Variants in SNX24 observed in about 807,000 individuals in gnomAD.
The protein encoded by SNX24 is sorting nexin-24.
Under a neutral mutation model 28.7 loss-of-function variants are expected in SNX24, and 22 were observed. The observed-to-expected ratio is 0.77, with a 90% CI of 0.55 to 1.10. The LOEUF (loss-of-function observed/expected upper bound fraction) is 1.10. Among genes scored for constraint, SNX24 ranks in the 50% least tolerant of loss-of-function variants. SNX24 has a pLI of 0.00. For missense variants in SNX24, 221 were observed against 201.1 expected, an observed-to-expected ratio of 1.10 and a Z score of -0.60; for synonymous variants, 69 against 71.5, an observed-to-expected ratio of 0.96 and a Z score of 0.18.
intron 3 of SNX24, among the ~76,000 whole-genome samples, chr5:122,957,566 C>A (rs1211533418): frequency 6.6e-6 from 1 of 152,046 alleles, no homozygotes; most frequent in Non-Finnish European, 1.5e-5. Flanking sequence ...AAAAAAACTT[C>A]TTTGGAATTT....
At chr5:122,855,331 G>T (rs1755133771) in intron 1 of SNX24, among the ~76,000 whole-genome samples, 1 of 152,160 alleles carries the variant, frequency 6.6e-6, no homozygotes, top group South Asian at 2.1e-4. Context: ...GCCTCCCAAA[G>T]TGCTGGGATT....
At chr5:122,852,598 C>T (rs1754974779) in intron 1 of SNX24, among the ~76,000 whole-genome samples, 1 of 152,122 alleles carries the variant, frequency 6.6e-6, no homozygotes, top group Non-Finnish European at 1.5e-5. Flanking sequence ...CCACCTCAGC[C>T]TCTGAAAGTG....
intron 3 of SNX24, among the ~76,000 whole-genome samples, chr5:122,960,252 G>T (rs1314590940): frequency 6.6e-6 from 1 of 152,156 alleles, no homozygotes; most frequent in Non-Finnish European, 1.5e-5. Flanking sequence ...GTCATTAAGT[G>T]TCAGGCAGGG....
chr5:123,020,764 GTT>G (rs1762750972), intron 5 of SNX24, among the ~76,000 whole-genome samples: 1 of 6,046 alleles, frequency 1.7e-4, no homozygotes, highest in Admixed American at 1.1e-3. Flanking sequence ...GCTAAATGAT[GTT>G]TGTTTTCGGA....
At chr5:122,917,506 G>C (rs926646841) in intron 1 of SNX24, among the ~76,000 whole-genome samples, 1 of 151,512 alleles carries the variant, frequency 6.6e-6, no homozygotes, top group Non-Finnish European at 1.5e-5. Flanking sequence ...TCTGTTCCTC[G>C]CTTCTCTCCT....
At chr5:122,954,965 T>C (rs138985569) in intron 3 of SNX24, among the ~76,000 whole-genome samples, 200 of 152,256 alleles carry the variant, frequency 1.3e-3, no homozygotes, top group African/African-American at 4.6e-3. Flanking sequence ...TTCAGCTCCT[T>C]CTTCTTTCTC....
intron 3 of SNX24, among the ~76,000 whole-genome samples, chr5:122,997,992 T>A (rs530176606): frequency 7.7e-4 from 118 of 152,296 alleles, no homozygotes; most frequent in Middle Eastern, 3.4e-3. Context: ...GAGTTTTATA[T>A]GTGTGATGAC....
chr5:123,005,334 T>A (rs1040983270), intron 6 of SNX24, among the ~76,000 whole-genome samples: 3 of 152,068 alleles, frequency 2.0e-5, no homozygotes, highest in African/African-American at 4.8e-5. Flanking sequence ...GGAATGCCCT[T>A]CTCCCGGACA....
At chr5:122,861,011 C>T (rs1303540841) in intron 1 of SNX24, among the ~76,000 whole-genome samples, 1 of 152,062 alleles carries the variant, frequency 6.6e-6, no homozygotes, top group African/African-American at 2.4e-5. Context: ...TTACCACTTC[C>T]TTTATGTTCC....
At chr5:122,853,213 G>A (rs962403173) in intron 1 of SNX24, among the ~76,000 whole-genome samples, 7 of 125,898 alleles carry the variant, frequency 5.6e-5, no homozygotes, top group Admixed American at 1.1e-4. Flanking sequence ...TGCAAGCTCC[G>A]CTTCCCAGGT....
intron 3 of SNX24, among the ~76,000 whole-genome samples, chr5:122,950,927 G>A (rs1309936045): frequency 1.3e-5 from 2 of 152,086 alleles, no homozygotes; most frequent in East Asian, 3.9e-4. Flanking sequence ...GGACTTTCCT[G>A]AGACTGGAAT....
At chr5:123,023,759 T>G in intron 5 of SNX24, 1 of 1,372,584 alleles carries the variant, frequency 7.3e-7, no homozygotes, top group Non-Finnish European at 9.5e-7. Flanking sequence ...TGGGATAGAA[T>G]ACAAAAAGAA....
At chr5:122,934,801 T>C (rs1227017600) in intron 1 of SNX24, among the ~76,000 whole-genome samples, 1 of 152,212 alleles carries the variant, frequency 6.6e-6, no homozygotes, top group African/African-American at 2.4e-5. Context: ...AACTGTAACA[T>C]TATAAAATAT....
chr5:122,934,995 G>C lies in SNX24; in HGVS notation c.61-1739G>C, dbSNP rs376852023. Among the ~76,000 whole-genome samples the C allele has an allele frequency of 4.0e-3, 613 of 152,156 alleles. 6 individuals carry two copies. Among genetic ancestry groups the C allele is most frequent in the African/African-American group, 0.013 (537 of 41,500 alleles). On this transcript the variant is annotated intron_variant, in intron 1 of 6. Transcript: ENST00000261369. ...AATTTGTCTTACCCTGGCCTTCAAG[G>C]GGGGGCACTTTGAGGGGTGAGCAAG...
At chr5:122,983,634 C>T (rs1332099642) in intron 3 of SNX24, among the ~76,000 whole-genome samples, 1 of 152,172 alleles carries the variant, frequency 6.6e-6, no homozygotes, top group East Asian at 1.9e-4. Context: ...AACAGGGTCT[C>T]ATCTTGTTGC....
intron 1 of SNX24, among the ~76,000 whole-genome samples, chr5:122,915,428 C>G (rs146361894): frequency 1.3e-5 from 2 of 152,226 alleles, no homozygotes; most frequent in Non-Finnish European, 2.9e-5. Context: ...GAGTTTGAGA[C>G]CAGCCTGGGC....
At chr5:122,889,306 GTATCTA>G (rs901447616) in intron 1 of SNX24, among the ~76,000 whole-genome samples, 12 of 151,294 alleles carry the variant, frequency 7.9e-5, no homozygotes, top group African/African-American at 2.9e-4. Context: ...TTTTTTATAG[GTATCTA>G]TATCTATATC....
chr5:122,898,804 A>G (rs943803862), intron 1 of SNX24, among the ~76,000 whole-genome samples: 2 of 152,340 alleles, frequency 1.3e-5, no homozygotes, highest in East Asian at 3.9e-4. Flanking sequence ...AGCATTCTGC[A>G]GGTAACTAAC....
chr5:122,934,031 T>C (rs1759081588), intron 1 of SNX24, among the ~76,000 whole-genome samples: 1 of 152,000 alleles, frequency 6.6e-6, no homozygotes, highest in Non-Finnish European at 1.5e-5. Context: ...GATACGCCCG[T>C]CTCAGCCCCC....
Sources: gnomAD v4.1 joint callset for allele counts (sites outside exome capture counted in the v4.1 genomes callset) on GRCh38, gnomAD v4.1.1 for gene constraint, MANE v1.5 for transcripts, NCBI Gene and HGNC (gene_info 2026-07-23, HGNC 2026-07-21) for gene names.